PEMT: variants seen among roughly 807,000 people sequenced by gnomAD.
PEMT encodes the protein phosphatidylethanolamine N-methyltransferase.
In PEMT, 23 loss-of-function variants were observed where a neutral mutation model predicts 27.4. That is an observed-to-expected ratio of 0.84 (90% CI 0.60 to 1.19). The LOEUF (loss-of-function observed/expected upper bound fraction) is 1.19, where lower values mean the gene tolerates loss of function less well. PEMT is among the 50% of genes most tolerant of loss of function. PEMT has a pLI of 0.00. For synonymous variants in PEMT, 137 were observed against 139.1 expected, an observed-to-expected ratio of 0.98 and a Z score of 0.11; for missense variants, 307 against 310.1, an observed-to-expected ratio of 0.99 and a Z score of 0.07.
rs569340576 is a variant in PEMT, at chr17:17,546,463, C to A, written c.205-24068G>T. Among the ~76,000 whole-genome samples, 10 of 152,330 alleles carry A rather than the reference C, an allele frequency of 6.6e-5. No homozygotes were observed. The South Asian group carries it at 2.1e-3, about 32-fold the overall frequency. On this transcript the variant is annotated intron_variant, in intron 2 of 6. Coordinates refer to ENST00000255389, the MANE Select transcript of PEMT (RefSeq NM_148172.3). ...AGGCTTGGTTCAAACTGGTGCCAGG[C>A]TGGTGGGGGGTGCAGTGGGCATGAT... is the stretch of plus-strand genomic sequence containing the variant.
chr17:17,524,918 G>C (rs1327399105), intron 2 of PEMT, among the ~76,000 whole-genome samples: 1 of 152,138 alleles, frequency 6.6e-6, no homozygotes, highest in Admixed American at 6.5e-5. Context: ...GACCATCCTG[G>C]CTAACACGGT....
intron 2 of PEMT, among the ~76,000 whole-genome samples, chr17:17,533,467 A>C (rs1908246694): frequency 6.6e-6 from 1 of 152,270 alleles, no homozygotes; most frequent in Non-Finnish European, 1.5e-5. Flanking sequence ...AAGCAATGAA[A>C]GAAAAATAAA....
At chr17:17,531,263 C>T (rs1481997313) in intron 2 of PEMT, among the ~76,000 whole-genome samples, 1 of 152,034 alleles carries the variant, frequency 6.6e-6, no homozygotes, top group African/African-American at 2.4e-5. Flanking sequence ...CTAAGAAACA[C>T]TTGAAGGGTC....
At chr17:17,552,632 G>A (rs1050660811) in intron 2 of PEMT, among the ~76,000 whole-genome samples, 5 of 152,250 alleles carry the variant, frequency 3.3e-5, no homozygotes, top group Non-Finnish European at 4.4e-5. Context: ...ATGCGGCCAC[G>A]GTGGCCCTGC....
At position 17,573,001 on chromosome 17, in the gene PEMT, C is replaced by T. The variant is rs574928641; in HGVS notation, c.204+3919G>A. On this transcript the variant is annotated intron_variant, in intron 2 of 6. Coordinates refer to ENST00000255389, the MANE Select transcript of PEMT (RefSeq NM_148172.3). Reference sequence around the variant, plus strand: ...GTCAGGAGTTCGACACCAGCCTTGCCAACATGGTGAAACCCTGTCTCTACT... The same window carrying T: ...GTCAGGAGTTCGACACCAGCCTTGCTAACATGGTGAAACCCTGTCTCTACT... Among the ~76,000 whole-genome samples, 13 of 151,104 alleles carry T rather than the reference C, an allele frequency of 8.6e-5. No homozygotes were observed. The East Asian group carries it at 2.4e-3, about 27-fold the overall frequency.
At chr17:17,571,963 T>A (rs1296979933) in intron 2 of PEMT, among the ~76,000 whole-genome samples, 1 of 152,174 alleles carries the variant, frequency 6.6e-6, no homozygotes, top group Admixed American at 6.5e-5. Flanking sequence ...CCTCCCAAAG[T>A]GCTTGGGATT....
chr17:17,586,216 A>AAAAGAAAGAAAGAAAGAAAG (rs745534134), intron 1 of PEMT, among the ~76,000 whole-genome samples: 20 of 79,328 alleles, frequency 2.5e-4, no homozygotes, highest in East Asian at 1.5e-3. Flanking sequence ...GAAAGAAAGA[A>AAAAGAAAGAAAGAAAGAAAG]AAAGAAAGAA....
intron 2 of PEMT, chr17:17,570,523 G>C: frequency 1.0e-6 from 1 of 985,386 alleles, no homozygotes; most frequent in Non-Finnish European, 1.2e-6. Flanking sequence ...GAGTCAGAGA[G>C]GGCAGGGTGA....
intron 2 of PEMT, among the ~76,000 whole-genome samples, chr17:17,532,804 T>C (rs916083125): frequency 6.6e-6 from 1 of 152,322 alleles, no homozygotes; most frequent in Middle Eastern, 3.4e-3. Context: ...AAGGCAGGCA[T>C]ATCACCTGAG....
intron 2 of PEMT, among the ~76,000 whole-genome samples, chr17:17,536,644 C>T (rs1337977512): frequency 6.6e-6 from 1 of 152,210 alleles, no homozygotes; most frequent in Non-Finnish European, 1.5e-5. Context: ...TGGGTTTGAG[C>T]AGAGGGAAAT....
At position 17,507,084 on chromosome 17, in the gene PEMT, G is replaced by C. The variant is rs577038088; in HGVS notation, c.579-783C>G. ...TAAGCAGCGGCAGCTCGTCAGTGAC[G>C]GCACCAAGGAGCCCGGGCGCAGCTG... On this transcript the variant is annotated intron_variant, in intron 5 of 6. Coordinates refer to ENST00000255389, the MANE Select transcript of PEMT (RefSeq NM_148172.3). 105 of 1,320,296 alleles carry C rather than the reference G, an allele frequency of 8.0e-5. No individual in the cohort carries two copies. In the South Asian group the frequency reaches 1.3e-3, roughly 16 times the overall value. 81.8% of individuals were successfully genotyped at this position (1,320,296 alleles called of 1,614,324 possible).
intron 2 of PEMT, among the ~76,000 whole-genome samples, chr17:17,573,057 T>C (rs780615118): frequency 1.3e-5 from 2 of 152,072 alleles, no homozygotes; most frequent in Non-Finnish European, 2.9e-5. Context: ...GGCACAGTGG[T>C]GCATGCCTGT....
chr17:17,524,977 G>A (rs1468213739), intron 2 of PEMT, among the ~76,000 whole-genome samples: 3 of 152,132 alleles, frequency 2.0e-5, no homozygotes, highest in Non-Finnish European at 4.4e-5. Flanking sequence ...GAGTGGTGGT[G>A]TGCATCTGTA....
chr17:17,554,695 A>G (rs964454146), intron 2 of PEMT, among the ~76,000 whole-genome samples: 1 of 152,012 alleles, frequency 6.6e-6, no homozygotes, highest in African/African-American at 2.4e-5. Context: ...GGCTCACTAC[A>G]ACCTCTGCCT....
chr17:17,545,311 G>C (rs1567706936), intron 2 of PEMT, among the ~76,000 whole-genome samples: 1 of 152,146 alleles, frequency 6.6e-6, no homozygotes, highest in Admixed American at 6.5e-5. Flanking sequence ...CTCTCACCCA[G>C]GTCTGTCCAG....
At chr17:17,508,660 G>A (rs993454719) in intron 5 of PEMT, 9 of 368,054 alleles carry the variant, frequency 2.4e-5, no homozygotes, top group South Asian at 1.8e-4. Flanking sequence ...GTGGGGGCTG[G>A]GTATGAAGCC....
At chr17:17,530,624 G>C (rs140068830) in intron 2 of PEMT, among the ~76,000 whole-genome samples, 9 of 152,136 alleles carry the variant, frequency 5.9e-5, no homozygotes, top group African/African-American at 2.2e-4. Flanking sequence ...CCCTCCTGCC[G>C]CACAGCCTGA....
intron 2 of PEMT, among the ~76,000 whole-genome samples, chr17:17,532,895 T>C (rs1597898462): frequency 6.6e-6 from 1 of 152,082 alleles, no homozygotes; most frequent in East Asian, 1.9e-4. Flanking sequence ...GGAGTGGTGG[T>C]GGGCATACGT....
At chr17:17,538,806 G>A (rs73296555) in intron 2 of PEMT, among the ~76,000 whole-genome samples, 1 of 152,164 alleles carries the variant, frequency 6.6e-6, no homozygotes, top group Non-Finnish European at 1.5e-5. Context: ...CCGCCTTCTT[G>A]GGTCAATATT....
Sources: allele counts gnomAD v4.1 joint callset (sites outside exome capture counted in the v4.1 genomes callset), GRCh38; gene constraint gnomAD v4.1.1; transcripts MANE v1.5; gene names NCBI Gene and HGNC (gene_info 2026-07-23, HGNC 2026-07-21).